The following CTSB variants were observed in gnomAD, a reference collection of about 807,000 sequenced individuals.
The protein encoded by CTSB is cathepsin B.
CTSB carries 57 observed loss-of-function variants against 44.3 expected under a neutral mutation model. That is an observed-to-expected ratio of 1.29 (90% CI 1.04 to 1.60). The LOEUF (loss-of-function observed/expected upper bound fraction) is 1.60, where lower values mean the gene tolerates loss of function less well. Ranked by LOEUF, CTSB falls within the 40% of genes most tolerant of loss-of-function variation. The probability of loss-of-function intolerance (pLI) is 0.00; values close to 1 mark genes in which losing one functional copy is unlikely to be tolerated. For synonymous variants in CTSB, 320 were observed against 168.0 expected (o/e 1.91, Z -7.00); for missense variants, 768 against 443.0 (o/e 1.73, Z -6.59).
At chr8:11,851,816 G>A (rs538631046) in intron 3 of CTSB, among the ~76,000 whole-genome samples, 2 of 152,096 alleles carry the variant, frequency 1.3e-5, no homozygotes, top group African/African-American at 4.8e-5. Flanking sequence ...ACAGGCGCCC[G>A]CCACCACGCC....
chr8:11,845,244 C>A, intron 9 of CTSB, 22 bp from the exon 10 acceptor site: 4 of 1,573,732 alleles, frequency 2.5e-6, no homozygotes, highest in Non-Finnish European at 3.5e-6. Context: ...AAGTAAGGTG[C>A]TTTTAAAGTG....
intron 6 of CTSB, 86 bp downstream of exon 6, chr8:11,847,981 C>A: frequency 2.2e-6 from 3 of 1,378,620 alleles, no homozygotes; most frequent in South Asian, 1.3e-5. Flanking sequence ...GTCTCAACCC[C>A]CAGTTTATAA....
chr8:11,844,876 C>T lies in CTSB; in HGVS notation c.*249G>A, dbSNP rs1001046579. ...CAGTCAGCTGGGGCAGCAGGTACTC[C>T]CTACGGCACTAGTCTACAGGGGGAA... is the stretch of plus-strand genomic sequence containing the variant. On this transcript the variant is annotated 3_prime_UTR_variant, in exon 10 of 10. Transcript: ENST00000353047. The T allele has an allele frequency of 1.0e-5, 5 of 496,174 alleles. No individual in the cohort carries two copies. The South Asian group carries it at 1.2e-4, about 12-fold the overall frequency. 30.7% of individuals were successfully genotyped at this position (496,174 alleles called of 1,614,324 possible).
intron 1 of CTSB, among the ~76,000 whole-genome samples, chr8:11,862,804 C>A (rs1183142746): frequency 5.3e-5 from 8 of 152,262 alleles, no homozygotes. Context: ...GCCCTCCGGG[C>A]TCTTAGGGCA....
At chr8:11,849,791 G>T (rs1814214674) in intron 4 of CTSB, among the ~76,000 whole-genome samples, 1 of 152,020 alleles carries the variant, frequency 6.6e-6, no homozygotes, top group South Asian at 2.1e-4. Context: ...ATGTTGGCCA[G>T]GTTGGTCTCA....
At chr8:11,851,802 G>A (rs1213297289) in intron 3 of CTSB, among the ~76,000 whole-genome samples, 2 of 152,072 alleles carry the variant, frequency 1.3e-5, no homozygotes, top group African/African-American at 4.8e-5. Flanking sequence ...GAGTAGCTGG[G>A]ATTACAGGCG....
chr8:11,845,153 C>A lies in CTSB; in HGVS notation c.992G>T (p.Arg331Leu). ...IESEVVAGIP[R>L]TDQYWEKI ...GATCTTTTCCCAGTACTGATCGGTG[C>A]GTGGAATTCCAGCCACCACTTCTGA... Residue 331 changes from arginine to leucine, a missense_variant, in exon 10 of 10, where the codon CGC (arginine) becomes CTC (leucine). Coordinates refer to ENST00000353047, the MANE Select transcript of CTSB (RefSeq NM_001908.5). The A allele has an allele frequency of 2.5e-6, 4 of 1,613,716 alleles. No individual in the cohort carries two copies. Among genetic ancestry groups the A allele is most frequent in the South Asian group, 1.1e-5 (1 of 91,070 alleles).
chr8:11,866,768 GA>G (rs1466070829), intron 1 of CTSB, among the ~76,000 whole-genome samples: 2 of 152,200 alleles, frequency 1.3e-5, no homozygotes, highest in Non-Finnish European at 2.9e-5. Flanking sequence ...GCTGAGGCAG[GA>G]GAATAGCTTG....
At chr8:11,850,684 C>T in intron 4 of CTSB, 182 bp downstream of exon 4, 1 of 503,386 alleles carries the variant, frequency 2.0e-6, no homozygotes, top group Non-Finnish European at 3.6e-6. Flanking sequence ...CGCCACTCCA[C>T]CTAATCCTCG....
At chr8:11,860,081 A>G (rs979690072) in intron 1 of CTSB, among the ~76,000 whole-genome samples, 1 of 152,170 alleles carries the variant, frequency 6.6e-6, no homozygotes, top group Non-Finnish European at 1.5e-5. Context: ...CAGAGAAAAA[A>G]AAAGAAAGAA....
chr8:11,853,191 T>G, intron 2 of CTSB, 138 bp downstream of exon 2: 1 of 1,219,110 alleles, frequency 8.2e-7, no homozygotes, highest in Non-Finnish European at 1.1e-6. Flanking sequence ...CCGACATGAC[T>G]CAGGGTCAGG....
At chr8:11,848,875 T>G (rs896869951) in intron 5 of CTSB, among the ~76,000 whole-genome samples, 171 bp downstream of exon 5, 1 of 152,052 alleles carries the variant, frequency 6.6e-6, no homozygotes, top group African/African-American at 2.4e-5. Flanking sequence ...TTCAGGCACC[T>G]CCCAGGAAGC....
chr8:11,860,094 AG>A (rs1156554614), intron 1 of CTSB, among the ~76,000 whole-genome samples: 1 of 152,138 alleles, frequency 6.6e-6, no homozygotes, highest in African/African-American at 2.4e-5. Flanking sequence ...AGAAAGAAAA[AG>A]CTTTCTTACA....
At chr8:11,865,804 G>T (rs1490684320) in intron 1 of CTSB, among the ~76,000 whole-genome samples, 1 of 142,654 alleles carries the variant, frequency 7.0e-6, no homozygotes, top group South Asian at 2.2e-4. Flanking sequence ...TCAGGAGTTC[G>T]AAAACCAGCC....
Position 11,853,362 on chromosome 8 carries a change from G to A in CTSB, c.93C>T (p.Val31=). 1 of 1,613,248 alleles carries A rather than the reference G, an allele frequency of 6.2e-7. No individual in the cohort carries two copies. The highest frequency in any genetic ancestry group is 8.5e-7 in the Non-Finnish European group (1 of 1,179,906). The change falls in exon 2 of 10, where the codon GTC becomes GTT. Residue 31 remains valine, a synonymous_variant. Transcript: ENST00000353047. ...TGGTATTCCGTTTGTTGACATAGTT[G>A]ACCAGCTCATCCGACAGGGGATGGA... is the stretch of plus-strand genomic sequence containing the variant. The part of the protein sequence containing the change: ...PSFHPLSDEL[V]NYVNKRNTTW...
chr8:11,846,059 C>T, intron 8 of CTSB: 1 of 291,660 alleles, frequency 3.4e-6, no homozygotes, highest in Non-Finnish European at 6.3e-6. Flanking sequence ...ATTTCTAATA[C>T]ATTCTAATTG....
chr8:11,856,539 G>A (rs1324248832), intron 1 of CTSB, among the ~76,000 whole-genome samples: 1 of 152,124 alleles, frequency 6.6e-6, no homozygotes, highest in Non-Finnish European at 1.5e-5. Context: ...CTTGAACCCA[G>A]GAGGCAGAGG....
intron 1 of CTSB, among the ~76,000 whole-genome samples, chr8:11,855,169 G>A (rs141420569): frequency 1.1e-3 from 161 of 152,238 alleles, no homozygotes; most frequent in African/African-American, 3.6e-3. Flanking sequence ...TTACAGGCAT[G>A]TGCCATCATG....
chr8:11,850,955 G>A lies in CTSB; in HGVS notation c.238C>T (p.Leu80=), dbSNP rs775824616. 9.3e-6 allele frequency: 15 copies of A among 1,613,130 alleles called. No individual in the cohort carries two copies. In the East Asian group the frequency reaches 3.3e-4, roughly 36 times the overall value. ...TCCCGTGCATCGAAGCTTGCAGGCA[G>A]CTTCAGGTCCTCGGTAAACATAACT... ...QRVMFTEDLK[L]PASFDAREQW... The change falls in exon 4 of 10, where the codon CTG becomes TTG. Residue 80 remains leucine, a synonymous_variant. Coordinates refer to ENST00000353047, the MANE Select transcript of CTSB (RefSeq NM_001908.5).
Sources: allele counts gnomAD v4.1 joint callset (sites outside exome capture counted in the v4.1 genomes callset), GRCh38; gene constraint gnomAD v4.1.1; transcripts MANE v1.5; gene names NCBI Gene and HGNC (gene_info 2026-07-23, HGNC 2026-07-21).